PRKCB: variants seen among roughly 807,000 people sequenced by gnomAD.
The protein encoded by PRKCB is protein kinase C beta type.
Under a neutral mutation model 81.5 loss-of-function variants are expected in PRKCB, and 13 were observed. That is an observed-to-expected ratio of 0.16 (90% confidence interval 0.10 to 0.25). The LOEUF is 0.25. Among genes scored for constraint, PRKCB ranks in the 10% least tolerant of loss-of-function variants. PRKCB has a pLI of 1.00. For missense variants in PRKCB, 509 were observed against 875.7 expected (o/e 0.58, Z 5.29); for synonymous variants, 335 against 321.4 (o/e 1.04, Z -0.45).
intron 5 of PRKCB, among the ~76,000 whole-genome samples, chr16:24,040,256 A>T (rs1965682251): frequency 6.6e-6 from 1 of 152,154 alleles, no homozygotes; most frequent in Non-Finnish European, 1.5e-5. Context: ...TAAATCTAAC[A>T]TGGCGATCTC....
intron 2 of PRKCB, among the ~76,000 whole-genome samples, chr16:23,854,637 A>T (rs1962531783): frequency 6.6e-6 from 1 of 152,222 alleles, no homozygotes; most frequent in South Asian, 2.1e-4. Flanking sequence ...AAGGCTCAGA[A>T]CATGCATAAC....
intron 5 of PRKCB, among the ~76,000 whole-genome samples, chr16:24,071,338 T>C (rs1430775066): frequency 6.7e-6 from 1 of 150,200 alleles, no homozygotes; most frequent in African/African-American, 2.5e-5. Flanking sequence ...GCACGATGGC[T>C]GACGTCTGTA....
At chr16:24,180,983 G>A in intron 13 of PRKCB, 55 bp downstream of exon 13, 2 of 1,593,530 alleles carry the variant, frequency 1.3e-6, no homozygotes, top group Middle Eastern at 1.8e-4. Flanking sequence ...CTGCTCCCCA[G>A]ATGGCTGTGT....
At chr16:24,072,613 C>G (rs1966125474) in intron 5 of PRKCB, among the ~76,000 whole-genome samples, 1 of 145,420 alleles carries the variant, frequency 6.9e-6, no homozygotes, top group Admixed American at 6.8e-5. Context: ...TGGAGTTTCC[C>G]TCTTGTCACC....
intron 9 of PRKCB, among the ~76,000 whole-genome samples, chr16:24,136,770 G>A (rs929247412): frequency 2.6e-5 from 4 of 152,202 alleles, no homozygotes; most frequent in African/African-American, 9.7e-5. Context: ...TAGGATGTGG[G>A]CAGTTTTCCT....
chr16:24,000,173 T>C (rs1000939504), intron 3 of PRKCB, among the ~76,000 whole-genome samples: 13 of 152,210 alleles, frequency 8.5e-5, no homozygotes, highest in Admixed American at 8.5e-4. Flanking sequence ...GTATCTATGG[T>C]TAATCTATTG....
chr16:24,175,496 A>C (rs1201900293), intron 12 of PRKCB, among the ~76,000 whole-genome samples: 4 of 151,872 alleles, frequency 2.6e-5, no homozygotes, highest in Non-Finnish European at 5.9e-5. Flanking sequence ...TCATAAAAAC[A>C]TAGTCTGCCA....
At chr16:23,903,258 AGTGTGTGT>A (rs3073125) in intron 2 of PRKCB, among the ~76,000 whole-genome samples, 21 of 147,310 alleles carry the variant, frequency 1.4e-4, no homozygotes, top group Non-Finnish European at 2.2e-4. Flanking sequence ...AGGGAACTTA[AGTGTGTGT>A]GTGTGTGTGT....
chr16:23,861,547 T>TCATC (rs1962664019), intron 2 of PRKCB, among the ~76,000 whole-genome samples: 2 of 152,142 alleles, frequency 1.3e-5, no homozygotes, highest in African/African-American at 4.8e-5. Context: ...ATCAAAGACT[T>TCATC]AACACTGTCA....
At chr16:23,932,092 C>T (rs367870295) in intron 2 of PRKCB, among the ~76,000 whole-genome samples, 5 of 152,188 alleles carry the variant, frequency 3.3e-5, no homozygotes, top group African/African-American at 1.2e-4. Context: ...GGAAATTCTA[C>T]ATAGAAATAA....
chr16:24,163,977 C>T (rs1410949069), intron 10 of PRKCB, among the ~76,000 whole-genome samples: 1 of 152,200 alleles, frequency 6.6e-6, no homozygotes, highest in Non-Finnish European at 1.5e-5. Context: ...TGGTTCTGAG[C>T]AATAAAGGGA....
At chr16:24,023,837 A>G (rs1472025694) in intron 3 of PRKCB, among the ~76,000 whole-genome samples, 1 of 152,040 alleles carries the variant, frequency 6.6e-6, no homozygotes, top group East Asian at 1.9e-4. Flanking sequence ...CACCCCCTCC[A>G]TGACGTGGTG....
chr16:24,146,795 T>C (rs1412973831), intron 9 of PRKCB, among the ~76,000 whole-genome samples: 1 of 152,116 alleles, frequency 6.6e-6, no homozygotes, highest in African/African-American at 2.4e-5. Context: ...CTTCAACACA[T>C]CCTTTCAGTC....
chr16:24,064,210 A>G lies in PRKCB; in HGVS notation c.530-28581A>G, dbSNP rs180829162. On this transcript the variant is annotated intron_variant, in intron 5 of 16. Coordinates refer to ENST00000643927, the MANE Select transcript of PRKCB (RefSeq NM_002738.7). ...AATCATAGCAAATGGGAACATACAC[A>G]TAGATTTAATTTGGTGTCCCTTTTC... is the stretch of plus-strand genomic sequence containing the variant. Among the ~76,000 whole-genome samples, 44 of 152,286 alleles carry G rather than the reference A, an allele frequency of 2.9e-4. No individual in the cohort carries two copies. In the East Asian group the frequency reaches 7.5e-3, roughly 26 times the overall value.
intron 2 of PRKCB, among the ~76,000 whole-genome samples, chr16:23,937,784 T>TA (rs1380294436): frequency 2.6e-5 from 4 of 152,198 alleles, no homozygotes; most frequent in Non-Finnish European, 4.4e-5. Context: ...ACAGGCCTCT[T>TA]ACGATGGCTA....
At chr16:23,981,270 T>C (rs1254117371) in intron 2 of PRKCB, among the ~76,000 whole-genome samples, 1 of 151,986 alleles carries the variant, frequency 6.6e-6, no homozygotes, top group African/African-American at 2.4e-5. Context: ...CTTCCAGAAA[T>C]GGCACAATTC....
chr16:24,001,731 A>G (rs1567340166), intron 3 of PRKCB, among the ~76,000 whole-genome samples: 1 of 152,224 alleles, frequency 6.6e-6, no homozygotes, highest in Non-Finnish European at 1.5e-5. Context: ...AGAGCAACGA[A>G]GAATTTCTGT....
In PRKCB at chr16:23,855,159, G is replaced by A. The variant is rs1962543271; in HGVS notation, c.205+17753G>A. ...ATAAAGAGAGCCGGCGGGGGAGGGG[G>A]TGGCAGGAGAGAGAGAGAGAGAGAG... On this transcript the variant is annotated intron_variant, in intron 2 of 16. Transcript: ENST00000643927. 2.0e-5 allele frequency among the ~76,000 whole-genome samples: 3 copies of A among 152,148 alleles called. No individual in the cohort carries two copies. The South Asian group carries it at 6.2e-4, about 32-fold the overall frequency.
intron 9 of PRKCB, among the ~76,000 whole-genome samples, chr16:24,125,761 C>G (rs188288574): frequency 3.9e-5 from 6 of 152,290 alleles, no homozygotes; most frequent in Admixed American, 1.3e-4. Context: ...CGTGGATTCT[C>G]TCTGTCTGTG....
Sources: allele counts gnomAD v4.1 joint callset (sites outside exome capture counted in the v4.1 genomes callset), GRCh38; gene constraint gnomAD v4.1.1; transcripts MANE v1.5; gene names NCBI Gene and HGNC (gene_info 2026-07-23, HGNC 2026-07-21).